Variants in IP6K2 observed in about 807,000 individuals in gnomAD.
IP6K2 encodes the protein ATP:1D-myo-inositol-hexakisphosphate phosphotransferase.
In IP6K2, 9 loss-of-function variants were observed where a neutral mutation model predicts 43.3. The ratio of observed to expected loss-of-function variants is 0.21; its 90% CI spans 0.13 to 0.36. The LOEUF (loss-of-function observed/expected upper bound fraction) is 0.36. Among genes scored for constraint, IP6K2 ranks in the 10% least tolerant of loss-of-function variants. The probability of loss-of-function intolerance (pLI) is 1.00; values close to 1 mark genes in which losing one functional copy is unlikely to be tolerated. For synonymous variants in IP6K2, 209 were observed against 202.4 expected (o/e 1.03, Z -0.28); for missense variants, 332 against 538.4 (o/e 0.62, Z 3.79).
intron 1 of IP6K2, among the ~76,000 whole-genome samples, chr3:48,711,068 C>A (rs1041652828): frequency 6.6e-6 from 1 of 152,048 alleles, no homozygotes; most frequent in African/African-American, 2.4e-5. Context: ...GCCACCATGT[C>A]GAGCTAATTT....
chr3:48,703,548 C>CAAA (rs35725171), intron 1 of IP6K2, among the ~76,000 whole-genome samples: 1 of 69,872 alleles, frequency 1.4e-5, no homozygotes, highest in South Asian at 4.1e-4. Context: ...ACTAAAAATA[C>CAAA]AAAAAAAAAA....
At chr3:48,689,754 T>C in intron 4 of IP6K2, 41 bp from the exon 5 acceptor site, 2 of 1,571,610 alleles carry the variant, frequency 1.3e-6, no homozygotes, top group African/African-American at 2.7e-5. Flanking sequence ...GAAGTGCTAC[T>C]GCATGGGTCC....
chr3:48,708,385 C>G (rs1047555661), intron 1 of IP6K2: 1 of 152,126 alleles, frequency 6.6e-6, no homozygotes, highest in Non-Finnish European at 1.5e-5. Context: ...TCTCATATGT[C>G]CCCTTTATCA....
chr3:48,717,126 G>T (rs1245057692), intron 1 of IP6K2, 31 bp downstream of exon 1: 1 of 154,754 alleles, frequency 6.5e-6, no homozygotes, highest in African/African-American at 2.4e-5. Flanking sequence ...AAAGCTCCTC[G>T]GGCACTAGGG....
intron 1 of IP6K2, among the ~76,000 whole-genome samples, chr3:48,696,550 G>C (rs1421669889): frequency 6.6e-6 from 1 of 152,080 alleles, no homozygotes; most frequent in Non-Finnish European, 1.5e-5. Context: ...ACTGGATGCC[G>C]CATCAACGAA....
intron 2 of IP6K2, chr3:48,694,076 T>C: frequency 6.8e-7 from 1 of 1,466,362 alleles, no homozygotes. Flanking sequence ...TGCAGGGGAA[T>C]GCGTGCTCAG....
At chr3:48,702,192 C>T (rs983126040) in intron 1 of IP6K2, among the ~76,000 whole-genome samples, 1 of 151,988 alleles carries the variant, frequency 6.6e-6, no homozygotes, top group Non-Finnish European at 1.5e-5. Flanking sequence ...GACTGCACCA[C>T]TGTACTCCAG....
At chr3:48,702,505 G>A (rs776340684) in intron 1 of IP6K2, among the ~76,000 whole-genome samples, 2 of 150,936 alleles carry the variant, frequency 1.3e-5, no homozygotes, top group African/African-American at 2.4e-5. Context: ...GTGCAGTGGC[G>A]TAATCACGGC....
intron 1 of IP6K2, among the ~76,000 whole-genome samples, chr3:48,698,322 A>T (rs186148200): frequency 6.6e-6 from 1 of 152,324 alleles, no homozygotes; most frequent in African/African-American, 2.4e-5. Flanking sequence ...TTGTTAAAGC[A>T]CAAGATGCTC....
At chr3:48,693,277 C>T in intron 2 of IP6K2, 98 bp from the exon 3 acceptor site, 1 of 1,216,258 alleles carries the variant, frequency 8.2e-7, no homozygotes, top group South Asian at 1.2e-5. Context: ...TACCCAGTTC[C>T]TTAGTCTCTA....
chr3:48,689,493 G>T (rs747972916), intron 5 of IP6K2, 45 bp downstream of exon 5: 3 of 1,572,678 alleles, frequency 1.9e-6, no homozygotes, highest in East Asian at 4.5e-5. Flanking sequence ...GGGTGGGGAA[G>T]TGACAGCCAC....
chr3:48,688,925 TC>T lies in IP6K2; in HGVS notation c.781-153del. On this transcript the variant is annotated intron_variant, in intron 5 of 5. Coordinates refer to ENST00000328631, the MANE Select transcript of IP6K2 (RefSeq NM_016291.4). The surrounding 1 kb of genome is among the most constrained non-coding windows in gnomAD (Gnocchi z 5.1). ...ACATGAGCCACTGTCCACTATGCTC[TC>T]TGATCAGCCCCCACCTGGGATGCAG... The T allele has an allele frequency of 1.2e-6, 1 of 862,932 alleles. No homozygotes were observed. Among genetic ancestry groups the T allele is most frequent in the Non-Finnish European group, 1.7e-6 (1 of 575,002 alleles). 53.5% of individuals were successfully genotyped at this position (862,932 alleles called of 1,614,324 possible).
intron 1 of IP6K2, among the ~76,000 whole-genome samples, chr3:48,715,702 TTCTC>T (rs1040214148): frequency 4.2e-4 from 62 of 147,422 alleles, no homozygotes; most frequent in Middle Eastern, 3.5e-3. Context: ...TTTCATTTCT[TTCTC>T]TCTCTCTCTT....
chr3:48,689,774 T>C, intron 4 of IP6K2, 61 bp from the exon 5 acceptor site: 1 of 1,466,160 alleles, frequency 6.8e-7, no homozygotes, highest in African/African-American at 1.4e-5. Flanking sequence ...CTTGGCACTC[T>C]CAAGGTACAG....
Position 48,688,559 on chromosome 3 carries a change from A to G in IP6K2, c.995T>C (p.Leu332Pro). 1 of 1,614,238 alleles carries G rather than the reference A, an allele frequency of 6.2e-7. No homozygotes were observed. The highest frequency in any genetic ancestry group is 8.5e-7 in the Non-Finnish European group (1 of 1,180,040). The change falls in exon 6 of 6, where the codon CTG becomes CCG. Residue 332 changes from leucine (L) to proline (P), a missense_variant. Physicochemically the swap from Leu to Pro is moderately conservative, Grantham distance 98 (BLOSUM62 -3). Coordinates refer to ENST00000328631, the MANE Select transcript of IP6K2 (RefSeq NM_016291.4). The surrounding 1 kb of genome is among the most constrained non-coding windows in gnomAD (Gnocchi z 5.1). ...CCGCTCCTTGCCATCATAAATGACC[A>G]GCAGGGAGCTTGAGTAGAAGCGGTA... is the stretch of plus-strand genomic sequence containing the variant. ...ESYRFYSSSLLVIYDGKERPE... is the reference protein window; with the variant it reads ...ESYRFYSSSLPVIYDGKERPE...
intron 1 of IP6K2, among the ~76,000 whole-genome samples, chr3:48,703,401 G>A (rs923065074): frequency 6.6e-6 from 1 of 152,112 alleles, no homozygotes; most frequent in Non-Finnish European, 1.5e-5. Context: ...TTGCTAAATC[G>A]TCACTAAAAA....
chr3:48,706,548 A>G lies in IP6K2; in HGVS notation c.-131+10609T>C, dbSNP rs2079805857. Among the ~76,000 whole-genome samples the G allele has an allele frequency of 2.6e-5, 4 of 152,162 alleles. No homozygotes were observed. The South Asian group carries it at 8.3e-4, about 32-fold the overall frequency. The stretch of plus-strand genomic sequence containing the variant: ...CTCTACAGACAGTTGTAATATTGCT[A>G]TTATAGAAAGAGGTGGTCAGGCCAG... On this transcript the variant is annotated intron_variant, in intron 1 of 5. Coordinates refer to ENST00000328631, the MANE Select transcript of IP6K2 (RefSeq NM_016291.4).
chr3:48,696,610 A>G (rs1266386049), intron 1 of IP6K2, among the ~76,000 whole-genome samples: 2 of 152,094 alleles, frequency 1.3e-5, no homozygotes, highest in African/African-American at 4.8e-5. Flanking sequence ...TCTCACACTC[A>G]TTATCTGTTT....
At chr3:48,689,489 G>T in intron 5 of IP6K2, 49 bp downstream of exon 5, 1 of 1,562,694 alleles carries the variant, frequency 6.4e-7, no homozygotes. Context: ...ACCAGGGTGG[G>T]GAAGTGACAG....
Sources: gnomAD v4.1 joint callset for allele counts (sites outside exome capture counted in the v4.1 genomes callset) on GRCh38, gnomAD v4.1.1 for gene constraint, Gnocchi (gnomAD v3.1) non-coding constraint, MANE v1.5 for transcripts, NCBI Gene and HGNC (gene_info 2026-07-23, HGNC 2026-07-21) for gene names.